The following CAST variants were observed in gnomAD, a reference collection of about 807,000 sequenced individuals.
CAST encodes calpastatin.
Under a neutral mutation model 119.6 loss-of-function variants are expected in CAST, and 76 were observed. The ratio of observed to expected loss-of-function variants is 0.64; its 90% CI spans 0.53 to 0.77. The LOEUF (loss-of-function observed/expected upper bound fraction) is 0.77. CAST is among the 30% of genes least tolerant of loss of function. The pLI is 0.00. For missense variants in CAST, 953 were observed against 946.5 expected (o/e 1.01, Z -0.09); for synonymous variants, 319 against 331.6 (o/e 0.96, Z 0.41).
chr5:96,315,880 T>G, the CAST span, among the ~76,000 whole-genome samples: 1 of 152,192 alleles, frequency 6.6e-6, no homozygotes, highest in Non-Finnish European at 1.5e-5. Flanking sequence ...GTAGGCACTT[T>G]GGGTTGACAG....
chr5:96,596,037 T>C (rs999880833), intron 1 of CAST, among the ~76,000 whole-genome samples: 9 of 151,930 alleles, frequency 5.9e-5, no homozygotes, highest in Middle Eastern at 6.8e-3. Context: ...TGCTTAGGAG[T>C]GTGAGGTGTA....
the CAST span, among the ~76,000 whole-genome samples, chr5:96,144,785 T>C: frequency 2.6e-5 from 4 of 152,006 alleles, no homozygotes; most frequent in Non-Finnish European, 5.9e-5. Context: ...CAAGCGATTA[T>C]CCTGCCTCAG....
chr5:96,063,500 A>G, the CAST span, among the ~76,000 whole-genome samples: 1 of 152,126 alleles, frequency 6.6e-6, no homozygotes, highest in Non-Finnish European at 1.5e-5. Flanking sequence ...GATCCCAAGG[A>G]TACTTTCCAA....
intron 1 of CAST, among the ~76,000 whole-genome samples, chr5:96,664,223 AG>A (rs1748993914): frequency 6.6e-6 from 1 of 151,588 alleles, no homozygotes; most frequent in Non-Finnish European, 1.5e-5. Context: ...GTTTTTTTTT[AG>A]ATTATTTTTT....
chr5:96,746,927 T>A (rs27944), intron 17 of CAST, among the ~76,000 whole-genome samples: 140,822 of 152,294 alleles, frequency 0.92, 65,188 homozygotes, highest in East Asian at 1. Context: ...CATGTTGGAA[T>A]ATAGTTACAA....
Position 96,750,553 on chromosome 5 carries a change from T to A in CAST, c.1429-34T>A, listed in dbSNP as rs1764786201. On this transcript the variant is annotated intron_variant, in intron 19 of 31. Coordinates refer to ENST00000675179, the MANE Select transcript of CAST (RefSeq NM_001750.7). ...CTCAGTCTTATTAACCAAATATTTC[T>A]AAACTTATTGAGAGTACTTGTGTCT... is the stretch of plus-strand genomic sequence containing the variant. 3.6e-6 allele frequency: 5 copies of A among 1,397,022 alleles called. No homozygotes were observed. The East Asian group carries it at 1.1e-4, about 32-fold the overall frequency. The allele number at this position is 1,397,022 out of a possible 1,614,324, so 86.5% of individuals were successfully genotyped here.
At chr5:96,029,358 T>C in the CAST span, among the ~76,000 whole-genome samples, 1 of 152,126 alleles carries the variant, frequency 6.6e-6, no homozygotes, top group Non-Finnish European at 1.5e-5. Flanking sequence ...TGACTTTGGC[T>C]ATATCACTTT....
intron 2 of CAST, among the ~76,000 whole-genome samples, chr5:96,685,512 T>A (rs968574436): frequency 1.3e-5 from 2 of 152,204 alleles, no homozygotes; most frequent in East Asian, 3.8e-4. Flanking sequence ...CATAATGGCT[T>A]GTACATTATA....
chr5:95,963,725 C>CTCTTTTTTTTTTTTTTT, the CAST span, among the ~76,000 whole-genome samples: 2 of 129,992 alleles, frequency 1.5e-5, no homozygotes, highest in African/African-American at 6.0e-5. Flanking sequence ...TTCTCTCTCT[C>CTCTTTTTTTTTTTTTTT]TTTTTTTTTT....
chr5:96,588,683 T>C (rs1746906543), intron 1 of CAST, among the ~76,000 whole-genome samples: 1 of 152,208 alleles, frequency 6.6e-6, no homozygotes, highest in South Asian at 2.1e-4. Flanking sequence ...AATTTACACT[T>C]TGAAGCATGA....
chr5:96,178,909 C>T, the CAST span, among the ~76,000 whole-genome samples: 131 of 152,306 alleles, frequency 8.6e-4, 2 homozygotes, highest in South Asian at 0.024. Flanking sequence ...TTACTTCTTG[C>T]TCCTCCTTCT....
intron 3 of CAST, among the ~76,000 whole-genome samples, chr5:96,697,415 CT>C (rs1753434530): frequency 6.6e-6 from 1 of 152,258 alleles, no homozygotes; most frequent in East Asian, 1.9e-4. Flanking sequence ...CTCCAAGTCC[CT>C]GATGGTGCCC....
chr5:96,233,696 A>G, the CAST span, among the ~76,000 whole-genome samples: 1 of 152,132 alleles, frequency 6.6e-6, no homozygotes, highest in South Asian at 2.1e-4. Flanking sequence ...CTCTAGAAAC[A>G]AAATATTTTG....
the CAST span, among the ~76,000 whole-genome samples, chr5:96,401,415 C>T: frequency 6.6e-6 from 1 of 152,072 alleles, no homozygotes; most frequent in Non-Finnish European, 1.5e-5. Context: ...GAGTATTGGG[C>T]CAGAGCGATG....
At chr5:95,993,164 G>A in the CAST span, among the ~76,000 whole-genome samples, 1 of 152,104 alleles carries the variant, frequency 6.6e-6, no homozygotes, top group Non-Finnish European at 1.5e-5. Context: ...AGGTAATTTG[G>A]TGGGGAAAAG....
chr5:96,473,104 C>G, the CAST span, among the ~76,000 whole-genome samples: 1 of 152,182 alleles, frequency 6.6e-6, no homozygotes, highest in Non-Finnish European at 1.5e-5. Flanking sequence ...TTGAGTATTA[C>G]TTTATCTTAA....
chr5:96,685,173 G>A (rs574058447), intron 2 of CAST, among the ~76,000 whole-genome samples: 2 of 152,078 alleles, frequency 1.3e-5, no homozygotes, highest in Admixed American at 6.5e-5. Context: ...TCTCTGAAGA[G>A]ATTATATTTT....
intron 31 of CAST, 175 bp from the exon 32 acceptor site, chr5:96,772,465 C>T (rs1283103047): frequency 6.6e-6 from 1 of 152,474 alleles, no homozygotes; most frequent in South Asian, 2.1e-4. Context: ...TAGAACTGCT[C>T]TAACATTTTT....
the CAST span, among the ~76,000 whole-genome samples, chr5:96,229,712 C>CGTAATCTA: frequency 6.6e-6 from 1 of 152,218 alleles, no homozygotes; most frequent in East Asian, 1.9e-4. Flanking sequence ...ACAGTGTGCC[C>CGTAATCTA]TGTTTTTCAC....
Sources: gnomAD v4.1 joint callset for allele counts (sites outside exome capture counted in the v4.1 genomes callset) on GRCh38, gnomAD v4.1.1 for gene constraint, MANE v1.5 for transcripts, NCBI Gene and HGNC (gene_info 2026-07-23, HGNC 2026-07-21) for gene names.